CSE1L: variants seen among roughly 807,000 people sequenced by gnomAD.
The protein encoded by CSE1L is chromosome segregation 1 like.
In CSE1L, 24 loss-of-function variants were observed where a neutral mutation model predicts 120.4. That is an observed-to-expected ratio of 0.20 (90% confidence interval 0.14 to 0.28). The LOEUF is 0.28. Ranked by LOEUF, CSE1L falls within the 10% of genes least tolerant of loss-of-function variation. The pLI is 1.00. For missense variants in CSE1L, 830 were observed against 1,145.2 expected, an observed-to-expected ratio of 0.72 and a Z score of 3.97; for synonymous variants, 402 against 398.3, an observed-to-expected ratio of 1.01 and a Z score of -0.11.
intron 17 of CSE1L, 126 bp from the exon 18 acceptor site, chr20:49,089,121 G>C: frequency 1.3e-6 from 1 of 784,772 alleles, no homozygotes; most frequent in Non-Finnish European, 1.9e-6. Flanking sequence ...CAAGCACTAG[G>C]GTATAATTGG....
rs1235948267 is a variant in CSE1L, at chr20:49,072,704, A to G, written c.1066+7A>G. The stretch of plus-strand genomic sequence containing the variant: ...CCTAACATGGAATTTAGAGGTAATT[A>G]TGGCAAAAGTATATTAGTATAAATC... On this transcript the variant is annotated splice_region_variant and intron_variant, in intron 10 of 24. Transcript: ENST00000262982. 2 of 1,603,180 alleles carry G rather than the reference A, an allele frequency of 1.2e-6. No homozygotes were observed. Among genetic ancestry groups the G allele is most frequent in the Non-Finnish European group, 1.7e-6 (2 of 1,176,736 alleles).
At chr20:49,076,581 A>G (rs1214577653) in intron 12 of CSE1L, among the ~76,000 whole-genome samples, 2 of 127,488 alleles carry the variant, frequency 1.6e-5, no homozygotes, top group Non-Finnish European at 3.2e-5. Flanking sequence ...CCAGGCTGGA[A>G]TGCAATGGCA....
At chr20:49,090,345 G>T (rs771727732) in intron 19 of CSE1L, among the ~76,000 whole-genome samples, 1 of 152,124 alleles carries the variant, frequency 6.6e-6, no homozygotes, top group Non-Finnish European at 1.5e-5. Flanking sequence ...ATCACCTGAG[G>T]TCAGGAGTTC....
At position 49,072,192 on chromosome 20, in the gene CSE1L, TGATA is replaced by T. The variant is rs2091937534; in HGVS notation, c.769-93_769-90del. 3 of 1,302,054 alleles carry T rather than the reference TGATA, an allele frequency of 2.3e-6. No homozygotes were observed. In the East Asian group the frequency reaches 7.0e-5, roughly 30 times the overall value. The allele number at this position is 1,302,054 out of a possible 1,614,324, so 80.7% of individuals were successfully genotyped here. ...ATAACTGATTTGATTTGGATTTAATTGATAAAGAGTCTAGTTCAGGAATTTCAGT... is the reference window on the plus strand; with the variant it reads ...ATAACTGATTTGATTTGGATTTAATTAAGAGTCTAGTTCAGGAATTTCAGT... On this transcript the variant is annotated intron_variant, in intron 8 of 24. Coordinates refer to ENST00000262982, the MANE Select transcript of CSE1L (RefSeq NM_001316.4).
Position 49,084,068 on chromosome 20 carries a change from A to C in CSE1L, c.1525A>C (p.Asn509His). The stretch of plus-strand genomic sequence containing the variant: ...TTTAGTCTCGATTCCTCTCTTGATT[A>C]ATCATCTTCAAGCTGAAAGTATTGT... ...HLLVSIPLLI[N>H]HLQAESIVVH... The change falls in exon 15 of 25, where the codon AAT (asparagine) becomes CAT (histidine). Residue 509 changes from asparagine (N) to histidine (H), a missense_variant. This residue lies in a region of CSE1L where 543 missense variants were observed against 640.2 expected (regional missense o/e 0.85). Coordinates refer to ENST00000262982, the MANE Select transcript of CSE1L (RefSeq NM_001316.4). 1 of 1,613,954 alleles carries C rather than the reference A, an allele frequency of 6.2e-7. No homozygotes were observed. Among genetic ancestry groups the C allele is most frequent in the Non-Finnish European group, 8.5e-7 (1 of 1,179,870 alleles).
intron 6 of CSE1L, among the ~76,000 whole-genome samples, chr20:49,067,810 A>G (rs2091904494): frequency 6.6e-6 from 1 of 151,184 alleles, no homozygotes; most frequent in African/African-American, 2.4e-5. Flanking sequence ...ATTATAGCTC[A>G]CTGCAGCCTC....
intron 2 of CSE1L, 108 bp from the exon 3 acceptor site, chr20:49,063,094 A>C: frequency 9.5e-6 from 5 of 527,786 alleles, no homozygotes; most frequent in Non-Finnish European, 1.4e-5. Flanking sequence ...ACCCACAAAT[A>C]ACCTAATCTT....
intron 1 of CSE1L, among the ~76,000 whole-genome samples, chr20:49,052,699 A>T (rs949602934): frequency 2.0e-5 from 3 of 152,058 alleles, no homozygotes; most frequent in African/African-American, 7.2e-5. Context: ...CCTGATCACA[A>T]CTCACAGCAG....
Position 49,096,529 on chromosome 20 carries a change from C to T in CSE1L, c.*91C>T. The T allele has an allele frequency of 1.1e-6, 1 of 944,404 alleles. No individual in the cohort carries two copies. The highest frequency in any genetic ancestry group is 1.7e-6 in the Non-Finnish European group (1 of 595,174). The allele number at this position is 944,404 out of a possible 1,614,324, so 58.5% of individuals were successfully genotyped here. A position where few individuals can be genotyped will look rare whatever the true frequency, so the allele number is the denominator to read the frequency against. Reference sequence around the variant, plus strand: ...CTGCATTAAAACAAAGGAAGTTCTCCTTTTGAACTTGTCACGAATTCCATC... The same window carrying T: ...CTGCATTAAAACAAAGGAAGTTCTCTTTTTGAACTTGTCACGAATTCCATC... On this transcript the variant is annotated 3_prime_UTR_variant, in exon 25 of 25. Transcript: ENST00000262982.
chr20:49,088,748 G>T (rs2092078736), intron 17 of CSE1L, among the ~76,000 whole-genome samples: 1 of 152,152 alleles, frequency 6.6e-6, no homozygotes, highest in Non-Finnish European at 1.5e-5. Flanking sequence ...GAGGGATGGA[G>T]CGGGGAGGGA....
intron 14 of CSE1L, among the ~76,000 whole-genome samples, chr20:49,081,408 C>G (rs941136153): frequency 1.3e-5 from 2 of 152,130 alleles, no homozygotes; most frequent in Non-Finnish European, 2.9e-5. Context: ...TTTCAGCCTC[C>G]CGAGTAGCTG....
chr20:49,076,428 C>T (rs2091968732), intron 12 of CSE1L, among the ~76,000 whole-genome samples: 2 of 151,292 alleles, frequency 1.3e-5, no homozygotes, highest in South Asian at 2.1e-4. Context: ...TCAGGTGATC[C>T]ACCTGCCTTG....
In CSE1L at chr20:49,075,369, A is replaced by T; in HGVS notation, c.1184A>T (p.Lys395Met). 1 of 1,614,008 alleles carries T rather than the reference A, an allele frequency of 6.2e-7. No homozygotes were observed. Among genetic ancestry groups the T allele is most frequent in the Non-Finnish European group, 8.5e-7 (1 of 1,180,000 alleles). ...AACDLVRGLC[K>M]FFEGPVTGIF... ...TGTGATCTGGTACGAGGATTATGCA[A>T]GTTTTTTGAGGGACCTGTGACAGGA... Residue 395 changes from lysine to methionine, a missense_variant, in exon 12 of 25, where the codon AAG (lysine) becomes ATG (methionine). Coordinates refer to ENST00000262982, the MANE Select transcript of CSE1L (RefSeq NM_001316.4).
At chr20:49,055,071 G>T (rs2091795963) in intron 1 of CSE1L, among the ~76,000 whole-genome samples, 1 of 152,162 alleles carries the variant, frequency 6.6e-6, no homozygotes, top group Non-Finnish European at 1.5e-5. Flanking sequence ...TCAGAATTTG[G>T]GATTTTTTTT....
At chr20:49,092,488 C>T (rs1359090696) in intron 22 of CSE1L, among the ~76,000 whole-genome samples, 2 of 151,918 alleles carry the variant, frequency 1.3e-5, no homozygotes, top group Non-Finnish European at 2.9e-5. Flanking sequence ...GCATTCTCCA[C>T]AGCCAGTGTT....
chr20:49,066,680 A>G (rs536753321), intron 5 of CSE1L, among the ~76,000 whole-genome samples, 170 bp downstream of exon 5: 1 of 152,184 alleles, frequency 6.6e-6, no homozygotes, highest in Non-Finnish European at 1.5e-5. Flanking sequence ...TGTTTATTTC[A>G]TATTGCTCTA....
At chr20:49,069,719 TGA>T (rs1398700048) in intron 7 of CSE1L, among the ~76,000 whole-genome samples, 1 of 152,212 alleles carries the variant, frequency 6.6e-6, no homozygotes, top group Non-Finnish European at 1.5e-5. Flanking sequence ...ATGAAGCTCT[TGA>T]GAACTTGTCT....
intron 24 of CSE1L, among the ~76,000 whole-genome samples, chr20:49,095,317 T>A (rs958561700): frequency 4.6e-5 from 7 of 152,134 alleles, no homozygotes; most frequent in South Asian, 2.1e-4. Flanking sequence ...AGCATTTTTT[T>A]ATTTTTATTT....
chr20:49,082,002 C>T (rs2426123), intron 14 of CSE1L, among the ~76,000 whole-genome samples: 18 of 152,218 alleles, frequency 1.2e-4, no homozygotes, highest in Admixed American at 4.6e-4. Context: ...GTAGTGAATT[C>T]GGTGTATTTG....
Sources: allele counts gnomAD v4.1 joint callset (sites outside exome capture counted in the v4.1 genomes callset), GRCh38; gene constraint gnomAD v4.1.1; regional missense constraint gnomAD v4.1.1; transcripts MANE v1.5; gene names NCBI Gene and HGNC (gene_info 2026-07-23, HGNC 2026-07-21).